The following SP3 variants were observed in gnomAD, a reference collection of about 807,000 sequenced individuals.
SP3 encodes the protein transcription factor Sp3.
A neutral mutation model predicts 70.3 loss-of-function variants in SP3; 10 were observed. The ratio of observed to expected loss-of-function variants is 0.14; its 90% CI spans 0.09 to 0.24. The LOEUF (loss-of-function observed/expected upper bound fraction) is 0.24, where lower values mean the gene tolerates loss of function less well. Ranked by LOEUF, SP3 falls within the 10% of genes least tolerant of loss-of-function variation. The pLI is 1.00. For synonymous variants in SP3, 402 were observed against 333.5 expected, an observed-to-expected ratio of 1.21 and a Z score of -2.24; for missense variants, 825 against 914.6, an observed-to-expected ratio of 0.90 and a Z score of 1.26.
chr2:173,963,794 G>GGCC lies in SP3; in HGVS notation c.243_245dup (p.Ala85dup), dbSNP rs1691166660. 4 of 1,413,918 alleles carry GGCC rather than the reference G, an allele frequency of 2.8e-6. No individual in the cohort carries two copies. The highest frequency in any genetic ancestry group is 3.7e-6 in the Non-Finnish European group (4 of 1,070,582). 87.6% of individuals were successfully genotyped at this position (1,413,918 alleles called of 1,614,324 possible). On this transcript the variant is annotated inframe_insertion, in exon 3 of 7. Coordinates refer to ENST00000310015, the MANE Select transcript of SP3 (RefSeq NM_003111.5). ...CGGCGGCGGGGGCCCCGGCTGCGGC[G>GGCC]GCCGCCTCCTCCTCGTCGTCGCCCG...
rs200886453 is a variant in SP3, at chr2:173,955,186, C to T, written c.1326G>A (p.Gln442=). The T allele has an allele frequency of 3.7e-4, 605 of 1,614,138 alleles. 5 individuals carry two copies. The South Asian group carries it at 6.3e-3, about 17-fold the overall frequency. ...GAATTAAAAAGGTTCCAGGATTCAG[C>T]TGCAACTGAAGATTTTGCAAAGCCT... ...SQQALQNLQL[Q]LNPGTFLIQA... is the part of the protein sequence containing the mutation. The change falls in exon 4 of 7, where the codon CAG becomes CAA. Residue 442 remains glutamine, a synonymous_variant. Transcript: ENST00000310015.
Position 173,955,773 on chromosome 2 carries a change from G to C in SP3, c.739C>G (p.Pro247Ala). ...TTAGCAACTACTTGGGTTTGACCAG[G>C]AAAAGATGAACCACCAATTGCAACT... is the stretch of plus-strand genomic sequence containing the variant. ...QGVAIGGSSF[P>A]GQTQVVANVP... is the part of the protein sequence containing the mutation. The change falls in exon 4 of 7, where the codon CCT becomes GCT. Residue 247 changes from proline (P) to alanine (A), a missense_variant. This residue lies in a region of SP3 where 678 missense variants were observed against 651.6 expected (regional missense o/e 1.04). Transcript: ENST00000310015. 1 of 1,614,200 alleles carries C rather than the reference G, an allele frequency of 6.2e-7. No homozygotes were observed. Among genetic ancestry groups the C allele is most frequent in the Non-Finnish European group, 8.5e-7 (1 of 1,180,040 alleles).
At chr2:173,961,927 T>C (rs904544810) in intron 3 of SP3, among the ~76,000 whole-genome samples, 2 of 135,358 alleles carry the variant, frequency 1.5e-5, no homozygotes, top group African/African-American at 2.8e-5. Flanking sequence ...CATAAATATA[T>C]GGTTTGGGTT....
At chr2:173,917,005 A>G (rs1400863851) in intron 5 of SP3, among the ~76,000 whole-genome samples, 1 of 152,132 alleles carries the variant, frequency 6.6e-6, no homozygotes, top group Non-Finnish European at 1.5e-5. Context: ...TTCTACTTTA[A>G]AATACATGTA....
intron 2 of SP3, 172 bp downstream of exon 2, chr2:173,964,233 G>A (rs1691196471): frequency 2.0e-6 from 1 of 488,092 alleles, no homozygotes; most frequent in Non-Finnish European, 3.6e-6. Flanking sequence ...GGCGGCGCGG[G>A]CGGGGTCGGA....
At chr2:173,947,383 T>C (rs1005802981) in intron 4 of SP3, among the ~76,000 whole-genome samples, 1 of 152,134 alleles carries the variant, frequency 6.6e-6, no homozygotes, top group African/African-American at 2.4e-5. Context: ...ATTCTAAAGG[T>C]TGTCTTTTTT....
chr2:173,916,519 T>C (rs1689622107), intron 5 of SP3: 1 of 151,846 alleles, frequency 6.6e-6, no homozygotes. Context: ...AAAGAAACAA[T>C]TCAAAAAATA....
Position 173,955,994 on chromosome 2 carries a change from A to G in SP3, c.518T>C (p.Ile173Thr). The G allele has an allele frequency of 6.2e-7, 1 of 1,614,246 alleles. No individual in the cohort carries two copies. The highest frequency in any genetic ancestry group is 1.6e-4 in the Middle Eastern group (1 of 6,062). ...GTVSSVQYQV[I>T]PQIQSADGQQ... ...ACCATCTGCTGACTGGATCTGTGGT[A>G]TCACTTGATATTGAACACTGGACAC... The change falls in exon 4 of 7, where the codon ATA becomes ACA. Residue 173 changes from isoleucine (I) to threonine (T), a missense_variant. Transcript: ENST00000310015.
intron 4 of SP3, among the ~76,000 whole-genome samples, chr2:173,926,259 A>G (rs1486051611): frequency 6.6e-6 from 1 of 152,208 alleles, no homozygotes; most frequent in Non-Finnish European, 1.5e-5. Flanking sequence ...CTTTAGTAAG[A>G]CCAATGAAGG....
intron 6 of SP3, among the ~76,000 whole-genome samples, chr2:173,910,885 G>A (rs907516298): frequency 6.6e-6 from 1 of 152,098 alleles, no homozygotes; most frequent in African/African-American, 2.4e-5. Context: ...TTCCCAGCAT[G>A]AATAAAGTAA....
At chr2:173,949,433 T>C (rs920857711) in intron 4 of SP3, among the ~76,000 whole-genome samples, 1 of 151,576 alleles carries the variant, frequency 6.6e-6, no homozygotes, top group African/African-American at 2.4e-5. Flanking sequence ...TGATATAAAT[T>C]AAAGAGCACA....
At chr2:173,934,470 A>G (rs1414292776) in intron 4 of SP3, among the ~76,000 whole-genome samples, 2 of 152,220 alleles carry the variant, frequency 1.3e-5, no homozygotes, top group Admixed American at 1.3e-4. Context: ...GTAGGGAGAA[A>G]GCAGGAAATA....
chr2:173,952,750 T>TGACA (rs1230756759), intron 4 of SP3, among the ~76,000 whole-genome samples: 1 of 152,178 alleles, frequency 6.6e-6, no homozygotes, highest in African/African-American at 2.4e-5. Context: ...ACACATACCA[T>TGACA]GACACAGATG....
In SP3 at chr2:173,909,646, G is replaced by A. The variant is rs1043620176; in HGVS notation, c.*295C>T. The A allele has an allele frequency of 1.7e-5, 4 of 228,756 alleles. No homozygotes were observed. The highest frequency in any genetic ancestry group is 4.7e-5 in the African/African-American group (2 of 42,722). The allele number at this position is 228,756 out of a possible 1,614,324, so 14.2% of individuals were successfully genotyped here. On this transcript the variant is annotated 3_prime_UTR_variant, in exon 7 of 7. Transcript: ENST00000310015. Reference sequence around the variant, plus strand: ...TTACACTAAACCACACAGGATTGATGCATTTGGTTAGACTACCATTCGCAT... The same window carrying A: ...TTACACTAAACCACACAGGATTGATACATTTGGTTAGACTACCATTCGCAT...
At chr2:173,963,110 A>G (rs972150595) in intron 3 of SP3, 5 of 152,172 alleles carry the variant, frequency 3.3e-5, no homozygotes, top group South Asian at 2.1e-4. Context: ...TTCAAAATCT[A>G]AAGTACTATC....
intron 4 of SP3, among the ~76,000 whole-genome samples, chr2:173,932,274 A>T (rs1179988185): frequency 6.6e-6 from 1 of 152,104 alleles, no homozygotes; most frequent in Non-Finnish European, 1.5e-5. Flanking sequence ...TCACTGCAAC[A>T]TCTGCCTCCT....
rs1689194985 is a variant in SP3, at chr2:173,901,771, G to A, written c.*8170C>T. Among the ~76,000 whole-genome samples, 2 of 145,994 alleles carry A rather than the reference G, an allele frequency of 1.4e-5. No individual in the cohort carries two copies. Among genetic ancestry groups the A allele is most frequent in the Non-Finnish European group, 1.5e-5 (1 of 67,204 alleles). On this transcript the variant is annotated 3_prime_UTR_variant, in exon 7 of 7. Coordinates refer to ENST00000310015, the MANE Select transcript of SP3 (RefSeq NM_003111.5). ...GGCTGGAGTGCAGTGGTGCAATCTC[G>A]GCTCACTGCAACCTATGCCTCCTGC...
intron 5 of SP3, chr2:173,916,287 C>T (rs948514866): frequency 1.2e-4 from 18 of 152,008 alleles, no homozygotes; most frequent in East Asian, 5.8e-4. Context: ...TCTCAGAATA[C>T]GGAAAACTTG....
At chr2:173,935,172 C>A (rs1690174958) in intron 4 of SP3, among the ~76,000 whole-genome samples, 1 of 152,098 alleles carries the variant, frequency 6.6e-6, no homozygotes, top group Non-Finnish European at 1.5e-5. Context: ...AGGTTCGGGG[C>A]TGCAGTAAGC....
Sources: gnomAD v4.1 joint callset for allele counts (sites outside exome capture counted in the v4.1 genomes callset) on GRCh38, gnomAD v4.1.1 for gene constraint, gnomAD v4.1.1 regional missense constraint, MANE v1.5 for transcripts, NCBI Gene and HGNC (gene_info 2026-07-23, HGNC 2026-07-21) for gene names.